Variants in ANKRD55 observed in about 807,000 individuals in gnomAD.
ANKRD55 encodes ankyrin repeat domain-containing protein 55.
ANKRD55 carries 41 observed loss-of-function variants against 60.6 expected under a neutral mutation model. That is an observed-to-expected ratio of 0.68 (90% confidence interval 0.53 to 0.88). The LOEUF is 0.88. Among genes scored for constraint, ANKRD55 ranks in the 40% least tolerant of loss-of-function variants. ANKRD55 has a pLI of 0.00. For synonymous variants in ANKRD55, 264 were observed against 290.3 expected (o/e 0.91, Z 0.92); for missense variants, 732 against 767.6 (o/e 0.95, Z 0.55).
At chr5:56,174,569 G>A (rs985884702) in intron 4 of ANKRD55, among the ~76,000 whole-genome samples, 2 of 152,130 alleles carry the variant, frequency 1.3e-5, no homozygotes, top group Non-Finnish European at 2.9e-5. Context: ...TAAACTTGAT[G>A]GGCAAGTTTT....
At chr5:56,137,176 T>G in intron 7 of ANKRD55, 1 of 1,580,044 alleles carries the variant, frequency 6.3e-7, no homozygotes, top group Non-Finnish European at 8.7e-7. Context: ...AGTGGTGGAG[T>G]TGGCAAGTGT....
intron 2 of ANKRD55, among the ~76,000 whole-genome samples, chr5:56,188,786 G>C (rs182042174): frequency 6.6e-6 from 1 of 152,288 alleles, no homozygotes; most frequent in East Asian, 1.9e-4. Context: ...CATAGATTTT[G>C]TGTATTCGTT....
At chr5:56,162,123 G>C (rs1239486809) in intron 5 of ANKRD55, 1 of 764,570 alleles carries the variant, frequency 1.3e-6, no homozygotes, top group Non-Finnish European at 1.6e-6. Flanking sequence ...CTGTGGTCCA[G>C]TGTGGTTATC....
At chr5:56,191,054 A>G (rs1490960803) in intron 2 of ANKRD55, among the ~76,000 whole-genome samples, 1 of 152,200 alleles carries the variant, frequency 6.6e-6, no homozygotes, top group Non-Finnish European at 1.5e-5. Flanking sequence ...TTTCAGTTCT[A>G]TTCTACTGAT....
intron 4 of ANKRD55, among the ~76,000 whole-genome samples, chr5:56,174,945 A>G (rs1223052545): frequency 6.6e-6 from 1 of 152,114 alleles, no homozygotes; most frequent in Non-Finnish European, 1.5e-5. Flanking sequence ...GGTCTAGGGT[A>G]TACCCCTGGT....
intron 6 of ANKRD55, among the ~76,000 whole-genome samples, chr5:56,159,153 C>T (rs1379855818): frequency 6.6e-6 from 1 of 152,210 alleles, no homozygotes; most frequent in East Asian, 1.9e-4. Flanking sequence ...CACCTCTCTG[C>T]CATCTTACAC....
At chr5:56,203,963 G>A (rs1469662253) in intron 2 of ANKRD55, among the ~76,000 whole-genome samples, 1 of 152,048 alleles carries the variant, frequency 6.6e-6, no homozygotes, top group African/African-American at 2.4e-5. Context: ...CAGTGTAAAA[G>A]TGTTCCTATT....
intron 10 of ANKRD55, chr5:56,110,751 C>T: frequency 4.2e-6 from 1 of 238,004 alleles, no homozygotes; most frequent in South Asian, 7.2e-5. Flanking sequence ...AGATTGAATG[C>T]CTGATTTAAA....
rs1050573500 is a variant in ANKRD55 at position 56,192,627 on chromosome 5, T to C, written c.59-8993A>G. The C allele has an allele frequency of 5.3e-6, 4 of 758,108 alleles. No homozygotes were observed. The Admixed American group carries it at 7.2e-5, about 14-fold the overall frequency. 47.0% of individuals were successfully genotyped at this position (758,108 alleles called of 1,614,324 possible). ...GGGTTTATTTTATTTTCTCAGCTAC[T>C]TAGTATTTTGTTGGGAGAAGAGGGT... On this transcript the variant is annotated intron_variant, in intron 2 of 11. Transcript: ENST00000341048.
In ANKRD55 at chr5:56,121,015, G is replaced by A. The variant is rs1580952064; in HGVS notation, c.798-4233C>T. On this transcript the variant is annotated intron_variant, in intron 8 of 11. Transcript: ENST00000341048. ...CAGAGATACTAGGAGCGAGGGATGG[G>A]GAATGTCTGTGGTTTGTCTAGGCAA... 2.0e-5 allele frequency among the ~76,000 whole-genome samples: 3 copies of A among 152,288 alleles called. No homozygotes were observed. The South Asian group carries it at 6.2e-4, about 32-fold the overall frequency.
intron 2 of ANKRD55, among the ~76,000 whole-genome samples, chr5:56,202,721 T>G (rs184690103): frequency 1.2e-4 from 19 of 152,358 alleles, no homozygotes; most frequent in African/African-American, 4.6e-4. Context: ...AGTAAATATC[T>G]GACTGCAATC....
At chr5:56,164,621 C>G (rs190927427) in intron 5 of ANKRD55, among the ~76,000 whole-genome samples, 10 of 152,280 alleles carry the variant, frequency 6.6e-5, no homozygotes, top group Non-Finnish European at 1.3e-4. Flanking sequence ...GCTTGCCTTC[C>G]AACACTAGCA....
At chr5:56,148,841 G>C (rs944292820) in intron 6 of ANKRD55, among the ~76,000 whole-genome samples, 1 of 152,022 alleles carries the variant, frequency 6.6e-6, no homozygotes. Context: ...GGTTCGGGGT[G>C]GGGTGGTGGA....
At chr5:56,182,174 C>A (rs2078575999) in intron 3 of ANKRD55, among the ~76,000 whole-genome samples, 1 of 151,974 alleles carries the variant, frequency 6.6e-6, no homozygotes, top group Non-Finnish European at 1.5e-5. Context: ...CTTTGGGAGG[C>A]CAAGGTGGGA....
Position 56,111,215 on chromosome 5 carries a change from A to G in ANKRD55, c.1533T>C (p.Ser511=), listed in dbSNP as rs1290703464. The change falls in exon 10 of 12, where the codon TCT becomes TCC. Residue 511 remains serine, a synonymous_variant. Coordinates refer to ENST00000341048, the MANE Select transcript of ANKRD55 (RefSeq NM_024669.3). The stretch of plus-strand genomic sequence containing the variant: ...GCAATCTGTCCAGCAGCTTATCAGA[A>G]GAAGACACAGTCCAAACTTTGTAGG... ...VFSYKVWTVS[S]SDKLLDRLLS... The G allele has an allele frequency of 1.5e-5, 25 of 1,614,218 alleles. No individual in the cohort carries two copies. Among genetic ancestry groups the G allele is most frequent in the Non-Finnish European group, 2.0e-5 (24 of 1,180,040 alleles).
At chr5:56,104,790 T>C (rs116489353) in intron 10 of ANKRD55, among the ~76,000 whole-genome samples, 1 of 152,060 alleles carries the variant, frequency 6.6e-6, no homozygotes, top group African/African-American at 2.4e-5. Flanking sequence ...TTGCAATTGA[T>C]GTGGGAGGAA....
intron 10 of ANKRD55, among the ~76,000 whole-genome samples, chr5:56,108,598 A>G (rs1756569748): frequency 6.6e-6 from 1 of 152,216 alleles, no homozygotes; most frequent in South Asian, 2.1e-4. Flanking sequence ...GTATACAAAT[A>G]TGAGTGAGGG....
At chr5:56,189,329 T>A (rs866161096) in intron 2 of ANKRD55, among the ~76,000 whole-genome samples, 102 of 135,396 alleles carry the variant, frequency 7.5e-4, no homozygotes, top group Admixed American at 1.4e-3. Context: ...AAAAAAAAAA[T>A]GTGGTAAAAG....
In ANKRD55 at chr5:56,127,007, C is replaced by A. The variant is rs1206760744; in HGVS notation, c.712G>T (p.Ala238Ser). The change falls in exon 8 of 12, where the codon GCA (alanine) becomes TCA (serine). Residue 238 changes from alanine to serine, a missense_variant. Ala to Ser is a moderately conservative substitution (Grantham distance 99). Around this residue, in one of 3 missense-constraint regions of ANKRD55, gnomAD observed 597 missense variants for 607.5 expected, o/e 0.98. Transcript: ENST00000341048. ...ATATCGCTGAAGCCCGCTGCCGCTG[C>A]GATATGTACACATGTCTTCCCACTC... is the stretch of plus-strand genomic sequence containing the variant. ...DESGKTCVHI[A>S]AAAGFSDIIH... is the part of the protein sequence containing the mutation. The A allele has an allele frequency of 6.2e-7, 1 of 1,613,794 alleles. No homozygotes were observed. Among genetic ancestry groups the A allele is most frequent in the Non-Finnish European group, 8.5e-7 (1 of 1,179,866 alleles).
Sources: gnomAD v4.1 joint callset for allele counts (sites outside exome capture counted in the v4.1 genomes callset) on GRCh38, gnomAD v4.1.1 for gene constraint, gnomAD v4.1.1 regional missense constraint, MANE v1.5 for transcripts, NCBI Gene and HGNC (gene_info 2026-07-23, HGNC 2026-07-21) for gene names.